MACROD2: variants seen among roughly 807,000 people sequenced by gnomAD.
MACROD2 encodes mono-ADP ribosylhydrolase 2, also known as ADP-ribose glycohydrolase MACROD2.
Under a neutral mutation model 70.4 loss-of-function variants are expected in MACROD2, and 36 were observed. The ratio of observed to expected loss-of-function variants is 0.51; its 90% CI spans 0.39 to 0.68. The LOEUF (loss-of-function observed/expected upper bound fraction) is 0.68. Among genes scored for constraint, MACROD2 ranks in the 30% least tolerant of loss-of-function variants. MACROD2 has a pLI of 0.00. For missense variants in MACROD2, 496 were observed against 538.4 expected, an observed-to-expected ratio of 0.92 and a Z score of 0.78; for synonymous variants, 172 against 178.8, an observed-to-expected ratio of 0.96 and a Z score of 0.30.
At chr20:14,919,011 T>G (rs1380655661) in intron 5 of MACROD2, among the ~76,000 whole-genome samples, 1 of 152,142 alleles carries the variant, frequency 6.6e-6, no homozygotes, top group Non-Finnish European at 1.5e-5. Flanking sequence ...TGATAAAGCC[T>G]TTTGTCCTAA....
intron 8 of MACROD2, among the ~76,000 whole-genome samples, chr20:15,830,196 A>T (rs1051449397): frequency 6.6e-6 from 1 of 152,184 alleles, no homozygotes; most frequent in Non-Finnish European, 1.5e-5. Context: ...TCTGCTTTGT[A>T]TATCCATACT....
intron 4 of MACROD2, among the ~76,000 whole-genome samples, chr20:14,592,073 A>G (rs1270417605): frequency 1.3e-5 from 2 of 152,210 alleles, no homozygotes; most frequent in Non-Finnish European, 2.9e-5. Flanking sequence ...TGCAGAGGGC[A>G]TGACTAGACA....
chr20:14,326,143 G>A lies in MACROD2; in HGVS notation c.272-167336G>A. On this transcript the variant is annotated intron_variant, in intron 3 of 17. Coordinates refer to ENST00000684519, the MANE Select transcript of MACROD2 (RefSeq NM_001351661.2). This position sits in a 1 kb window ranked among gnomAD's most constrained non-coding sequence, Gnocchi z 5.5. ...CTCACTGCGTTCCCCTGTTACAATTGTTTCTGTTATAGATCCAAATGCCGG... is the reference window on the plus strand; with the variant it reads ...CTCACTGCGTTCCCCTGTTACAATTATTTCTGTTATAGATCCAAATGCCGG... The A allele has an allele frequency of 1.2e-6, 2 of 1,613,860 alleles. No homozygotes were observed. Among genetic ancestry groups the A allele is most frequent in the East Asian group, 2.2e-5 (1 of 44,860 alleles).
chr20:14,155,035 ATG>A (rs1467093188), intron 3 of MACROD2, among the ~76,000 whole-genome samples: 4 of 152,140 alleles, frequency 2.6e-5, no homozygotes, highest in Non-Finnish European at 5.9e-5. Context: ...GGCCTCTTGG[ATG>A]TGTGTTTCGT....
At chr20:15,462,871 C>G (rs758434309) in intron 7 of MACROD2, among the ~76,000 whole-genome samples, 4 of 152,138 alleles carry the variant, frequency 2.6e-5, no homozygotes, top group Admixed American at 6.5e-5. Flanking sequence ...GACTGACAAC[C>G]AGGGGTTCTT....
At chr20:14,328,520 T>A (rs887849706) in intron 3 of MACROD2, among the ~76,000 whole-genome samples, 1 of 152,156 alleles carries the variant, frequency 6.6e-6, no homozygotes, top group Non-Finnish European at 1.5e-5. Flanking sequence ...TCTGTCCTTT[T>A]AAGTATTAAT....
intron 8 of MACROD2, among the ~76,000 whole-genome samples, chr20:15,540,673 G>A (rs747234643): frequency 2.6e-5 from 4 of 152,318 alleles, no homozygotes; most frequent in East Asian, 3.9e-4. Context: ...CAATAGAAAT[G>A]TACTGCCTCA....
At chr20:14,016,173 T>G (rs909178849) in intron 2 of MACROD2, among the ~76,000 whole-genome samples, 7 of 152,202 alleles carry the variant, frequency 4.6e-5, no homozygotes, top group African/African-American at 1.2e-4. Flanking sequence ...GTTTTGGTTG[T>G]TTGTGCTTTT....
chr20:15,309,145 T>C (rs112627878), intron 6 of MACROD2, among the ~76,000 whole-genome samples: 133 of 152,354 alleles, frequency 8.7e-4, no homozygotes, highest in African/African-American at 3.1e-3. Context: ...TTGGAAGCCT[T>C]TTCTATAACT....
At chr20:15,299,701 A>G (rs958773918) in intron 6 of MACROD2, among the ~76,000 whole-genome samples, 4 of 152,220 alleles carry the variant, frequency 2.6e-5, no homozygotes, top group Admixed American at 2.0e-4. Flanking sequence ...TGCTTTATGT[A>G]TATTTCACAT....
intron 10 of MACROD2, among the ~76,000 whole-genome samples, chr20:15,893,353 A>G (rs552980099): frequency 1.3e-5 from 2 of 152,366 alleles, no homozygotes; most frequent in South Asian, 2.1e-4. Flanking sequence ...CTTTGCAGCT[A>G]TTGTCTTACT....
chr20:14,746,373 A>G (rs1167566211), intron 5 of MACROD2, among the ~76,000 whole-genome samples: 1 of 152,186 alleles, frequency 6.6e-6, no homozygotes, highest in Non-Finnish European at 1.5e-5. Flanking sequence ...ATTAAAATAC[A>G]TTTCTGGTGC....
chr20:15,615,162 A>G (rs1408793152), intron 8 of MACROD2, among the ~76,000 whole-genome samples: 1 of 152,206 alleles, frequency 6.6e-6, no homozygotes, highest in East Asian at 1.9e-4. Flanking sequence ...CTCAAAACAC[A>G]GGCATGCTCA....
At chr20:15,061,846 A>G (rs1240214290) in intron 5 of MACROD2, among the ~76,000 whole-genome samples, 2 of 152,242 alleles carry the variant, frequency 1.3e-5, no homozygotes, top group Admixed American at 6.5e-5. Context: ...GACCCGGAGG[A>G]TGGTAGGAAG....
chr20:14,738,384 A>G (rs76358177), intron 5 of MACROD2, among the ~76,000 whole-genome samples: 1,845 of 152,198 alleles, frequency 0.012, 40 homozygotes, highest in African/African-American at 0.042. Flanking sequence ...AGAGGGTCTA[A>G]TCAGTCCTTT....
At chr20:15,321,357 A>G (rs1286309656) in intron 6 of MACROD2, among the ~76,000 whole-genome samples, 1 of 144,196 alleles carries the variant, frequency 6.9e-6, no homozygotes, top group Non-Finnish European at 1.6e-5. Flanking sequence ...CCTCTCAACA[A>G]ACTATTTCTA....
chr20:14,340,022 C>A (rs1001870878), intron 3 of MACROD2, among the ~76,000 whole-genome samples: 3 of 152,168 alleles, frequency 2.0e-5, no homozygotes, highest in African/African-American at 4.8e-5. Flanking sequence ...TATGTACAAT[C>A]TCTGGAAACA....
At chr20:14,878,591 T>C (rs2122455686) in intron 5 of MACROD2, among the ~76,000 whole-genome samples, 1 of 152,310 alleles carries the variant, frequency 6.6e-6, no homozygotes, top group African/African-American at 2.4e-5. Flanking sequence ...ACACATATCA[T>C]TTGCTTAAAT....
At chr20:16,045,061 A>G (rs73898352) in intron 17 of MACROD2, among the ~76,000 whole-genome samples, 2,373 of 152,220 alleles carry the variant, frequency 0.016, 73 homozygotes, top group African/African-American at 0.055. Context: ...GAGTTTGTAT[A>G]AAGGAATATG....
Sources: allele counts gnomAD v4.1 joint callset (sites outside exome capture counted in the v4.1 genomes callset), GRCh38; gene constraint gnomAD v4.1.1; non-coding constraint Gnocchi (gnomAD v3.1); transcripts MANE v1.5; gene names NCBI Gene and HGNC (gene_info 2026-07-23, HGNC 2026-07-21).